HGSNAT: variants seen among roughly 807,000 people sequenced by gnomAD.
HGSNAT encodes transmembrane protein 76.
HGSNAT carries 59 observed loss-of-function variants against 85.2 expected under a neutral mutation model. The observed-to-expected ratio is 0.69, with a 90% CI of 0.56 to 0.86. The LOEUF is 0.86. Ranked by LOEUF, HGSNAT falls within the 40% of genes least tolerant of loss-of-function variation. The pLI, the probability that HGSNAT is intolerant of heterozygous loss-of-function variation, is 0.00. For missense variants in HGSNAT, 756 were observed against 777.1 expected (o/e 0.97, Z 0.32); for synonymous variants, 321 against 304.5 (o/e 1.05, Z -0.56).
intron 7 of HGSNAT, 148 bp downstream of exon 7, chr8:43,170,842 G>A: frequency 1.7e-6 from 1 of 582,880 alleles, no homozygotes; most frequent in Non-Finnish European, 3.0e-6. Flanking sequence ...AGTAAACTCT[G>A]CAGCCTCTCC....
At chr8:43,193,929 T>G in intron 14 of HGSNAT, 86 bp downstream of exon 14, 1 of 1,566,890 alleles carries the variant, frequency 6.4e-7, no homozygotes, top group Non-Finnish European at 8.7e-7. Context: ...TTAAAATAAT[T>G]GGAAGCATAT....
intron 2 of HGSNAT, among the ~76,000 whole-genome samples, chr8:43,157,026 C>T (rs1464886461): frequency 1.3e-5 from 2 of 152,012 alleles, no homozygotes; most frequent in Non-Finnish European, 2.9e-5. Context: ...GAAGAAACAA[C>T]AAGCCAGATT....
In HGSNAT at chr8:43,193,772, G is replaced by A. The variant is rs753112671; in HGVS notation, c.1393G>A (p.Glu465Lys). 2.5e-6 allele frequency: 4 copies of A among 1,613,290 alleles called. No individual in the cohort carries two copies. Among genetic ancestry groups the A allele is most frequent in the South Asian group, 1.1e-5 (1 of 91,020 alleles). Residue 465 changes from glutamate (E) to lysine (K), a missense_variant, in exon 14 of 18, where the codon GAG becomes AAG. Coordinates refer to ENST00000379644, the MANE Select transcript of HGSNAT (RefSeq NM_152419.3). ...GTTTGTTAAGGTACTTTACCACACC[G>A]AGGTGGCCTATGACCCCGAGGGCAT... ...HPSSAVLYHT[E>K]VAYDPEGILG...
At chr8:43,181,663 G>A (rs1299925879) in intron 10 of HGSNAT, 2 of 156,376 alleles carry the variant, frequency 1.3e-5, no homozygotes, top group Non-Finnish European at 2.8e-5. Context: ...CCGGTCATAC[G>A]GTTGGGTAGC....
At chr8:43,193,379 C>T (rs1389569108) in intron 13 of HGSNAT, among the ~76,000 whole-genome samples, 1 of 152,166 alleles carries the variant, frequency 6.6e-6, no homozygotes, top group Non-Finnish European at 1.5e-5. Context: ...GCTGTTGTTG[C>T]TACAGTAGGG....
intron 1 of HGSNAT, 58 bp from the exon 2 acceptor site, chr8:43,146,890 T>C (rs1431194791): frequency 1.0e-6 from 1 of 967,646 alleles, no homozygotes; most frequent in African/African-American, 1.7e-5. Context: ...ACTTTGTCTC[T>C]AACACATCTT....
Position 43,183,898 on chromosome 8 carries a change from T to C in HGSNAT, c.1128+1638T>C, listed in dbSNP as rs186884334. Among the ~76,000 whole-genome samples the C allele has an allele frequency of 4.4e-3, 667 of 152,274 alleles. 8 individuals are homozygous for C. Among genetic ancestry groups the C allele is most frequent in the African/African-American group, 0.015 (637 of 41,528 alleles). On this transcript the variant is annotated intron_variant, in intron 11 of 17. Transcript: ENST00000379644. Reference sequence around the variant, plus strand: ...AGAACATGTAGTGTTTGGTTTTCTGTCTTTGTGATAGTTTGCTGAGAATGA... The same window carrying C: ...AGAACATGTAGTGTTTGGTTTTCTGCCTTTGTGATAGTTTGCTGAGAATGA...
chr8:43,154,396 C>T (rs903087211), intron 2 of HGSNAT, among the ~76,000 whole-genome samples: 1 of 149,696 alleles, frequency 6.7e-6, no homozygotes, highest in Non-Finnish European at 1.5e-5. Flanking sequence ...TTCCTGTGTC[C>T]ATGTGTTCTC....
chr8:43,140,516 C>G lies in HGSNAT; in HGVS notation c.20C>G (p.Ala7Gly). The stretch of plus-strand genomic sequence containing the variant: ...GCGGGCATGAGCGGGGCGGGCAGGG[C>G]GCTGGCCGCGCTGCTGCTGGCCGCG... MSGAGR[A>G]LAALLLAASV... Residue 7 changes from alanine (A) to glycine (G), a missense_variant, in exon 1 of 18, where the codon GCG becomes GGG. By Grantham distance (60) the Ala-to-Gly change is moderately conservative. Transcript: ENST00000379644. The G allele has an allele frequency of 9.3e-7, 1 of 1,079,956 alleles. No homozygotes were observed. Among genetic ancestry groups the G allele is most frequent in the Non-Finnish European group, 1.1e-6 (1 of 893,196 alleles). The allele number at this position is 1,079,956 out of a possible 1,614,324, so 66.9% of individuals were successfully genotyped here. A position where few individuals can be genotyped will look rare whatever the true frequency, so the allele number is the denominator to read the frequency against.
In HGSNAT at chr8:43,169,190, A is replaced by G. The variant is rs1409263266; in HGVS notation, c.581A>G (p.Asn194Ser). Residue 194 changes from asparagine to serine, a missense_variant, in exon 6 of 18, where the codon AAT (asparagine) becomes AGT (serine). Transcript: ENST00000379644. ...ATTTTCAGTTTGGATGACTTTAACAATTGGATTTCTAAAGCCATAAGTTCT... is the reference window on the plus strand; with the variant it reads ...ATTTTCAGTTTGGATGACTTTAACAGTTGGATTTCTAAAGCCATAAGTTCT... ...RLLLSLDDFNNWISKAISSRE... is the reference protein window; with the variant it reads ...RLLLSLDDFNSWISKAISSRE... 1 of 1,573,080 alleles carries G rather than the reference A, an allele frequency of 6.4e-7. No homozygotes were observed. The highest frequency in any genetic ancestry group is 1.3e-5 in the African/African-American group (1 of 74,244).
Position 43,191,576 on chromosome 8 carries a change from C to A in HGSNAT, c.1231C>A (p.Pro411Thr), listed in dbSNP as rs1804531287. The change falls in exon 12 of 18, where the codon CCA becomes ACA. Residue 411 changes from proline (P) to threonine (T), a missense_variant. Physicochemically the swap from Pro to Thr is conservative, Grantham distance 38. Coordinates refer to ENST00000379644, the MANE Select transcript of HGSNAT (RefSeq NM_152419.3). ...GLWLGLTFLLPVPGCPTGYLG... is the reference protein window; with the variant it reads ...GLWLGLTFLLTVPGCPTGYLG... ...GTGGCTGGGCTTGACATTCCTCCTG[C>A]CAGTCCCTGGGTGCCCTACGTAAGC... The A allele has an allele frequency of 7.4e-6, 12 of 1,613,860 alleles. No individual in the cohort carries two copies. Among genetic ancestry groups the A allele is most frequent in the Non-Finnish European group, 1.0e-5 (12 of 1,179,866 alleles).
Position 43,183,709 on chromosome 8 carries a change from A to G in HGSNAT, c.1128+1449A>G, listed in dbSNP as rs557217494. ...GTGCAGGTTTGTTACATAGGTATACATGTGCCATGTTGGTATGCTGCACCC... is the reference window on the plus strand; with the variant it reads ...GTGCAGGTTTGTTACATAGGTATACGTGTGCCATGTTGGTATGCTGCACCC... On this transcript the variant is annotated intron_variant, in intron 11 of 17. Coordinates refer to ENST00000379644, the MANE Select transcript of HGSNAT (RefSeq NM_152419.3). 2.0e-5 allele frequency among the ~76,000 whole-genome samples: 3 copies of G among 152,226 alleles called. No individual in the cohort carries two copies. In the East Asian group the frequency reaches 5.8e-4, roughly 29 times the overall value.
chr8:43,145,119 A>G (rs767195390), intron 1 of HGSNAT, among the ~76,000 whole-genome samples: 5 of 152,182 alleles, frequency 3.3e-5, no homozygotes, highest in Non-Finnish European at 7.4e-5. Flanking sequence ...TGTTAGAGGA[A>G]TGGGCCTCCC....
chr8:43,171,723 G>A (rs1803630485), intron 7 of HGSNAT, among the ~76,000 whole-genome samples: 1 of 152,140 alleles, frequency 6.6e-6, no homozygotes, highest in African/African-American at 2.4e-5. Flanking sequence ...GAGATAAGAT[G>A]GTCACAGATA....
In HGSNAT at chr8:43,183,938, A is replaced by G. The variant is rs1804220225; in HGVS notation, c.1128+1678A>G. Among the ~76,000 whole-genome samples the G allele has an allele frequency of 2.0e-5, 3 of 152,142 alleles. No homozygotes were observed. In the South Asian group the frequency reaches 6.2e-4, roughly 32 times the overall value. On this transcript the variant is annotated intron_variant, in intron 11 of 17. Coordinates refer to ENST00000379644, the MANE Select transcript of HGSNAT (RefSeq NM_152419.3). ...GCTGAGAATGATGGTTTCCAGCTTC[A>G]TCCATGTCCCTACAAAGGACATGAA...
intron 14 of HGSNAT, chr8:43,194,592 G>A (rs1247055969): frequency 1.1e-6 from 1 of 917,998 alleles, no homozygotes; most frequent in Non-Finnish European, 1.3e-6. Flanking sequence ...TGTCTGGTGA[G>A]GGTCTGGGCT....
rs971002713 is a variant in HGSNAT, at chr8:43,170,487, A to C, written c.634-98A>C. 5 of 1,128,810 alleles carry C rather than the reference A, an allele frequency of 4.4e-6. No homozygotes were observed. In the African/African-American group the frequency reaches 4.6e-5, roughly 10 times the overall value. The allele number at this position is 1,128,810 out of a possible 1,614,324, so 69.9% of individuals were successfully genotyped here. A position where few individuals can be genotyped will look rare whatever the true frequency, so the allele number is the denominator to read the frequency against. On this transcript the variant is annotated intron_variant, in intron 6 of 17. Transcript: ENST00000379644. ...AGAGCGAGACTCTGTCTCAAAAAAC[A>C]AAACAAAACAAAACAAAACAAAGAA... is the stretch of plus-strand genomic sequence containing the variant.
rs928930218 is a variant in HGSNAT, at chr8:43,199,457, T to G, written c.1796T>G (p.Leu599Arg). 1 of 1,612,070 alleles carries G rather than the reference T, an allele frequency of 6.2e-7. No homozygotes were observed. Among genetic ancestry groups the G allele is most frequent in the Non-Finnish European group, 8.5e-7 (1 of 1,179,108 alleles). The change falls in exon 18 of 18, where the codon CTG becomes CGG. Residue 599 changes from leucine to arginine, a missense_variant. By Grantham distance (102) the Leu-to-Arg change is moderately radical. Transcript: ENST00000379644. ...FENYFPFQWK[L>R]KDNQSHKEHL... ...AACTACTTCCCCTTTCAGTGGAAGC[T>G]GAAGGACAACCAGTCCCACAAGGAG...
At position 43,201,746 on chromosome 8, in the gene HGSNAT, T is replaced by A. The variant is rs572136066; in HGVS notation, c.*2177T>A. The A allele has an allele frequency of 6.6e-6, 1 of 152,372 alleles. No individual in the cohort carries two copies. Among genetic ancestry groups the A allele is most frequent in the African/African-American group, 2.4e-5 (1 of 41,584 alleles). 9.4% of individuals were successfully genotyped at this position (152,372 alleles called of 1,614,324 possible). On this transcript the variant is annotated 3_prime_UTR_variant, in exon 18 of 18. Coordinates refer to ENST00000379644, the MANE Select transcript of HGSNAT (RefSeq NM_152419.3). The surrounding 1 kb of genome is among the most constrained non-coding windows in gnomAD (Gnocchi z 4.4). The stretch of plus-strand genomic sequence containing the variant: ...AGCTTCCTAAGGCAAGAATCATGCC[T>A]TGTTGGTTTCTGTATTCCTCATGGT...
Sources: gnomAD v4.1 joint callset for allele counts (sites outside exome capture counted in the v4.1 genomes callset) on GRCh38, gnomAD v4.1.1 for gene constraint, Gnocchi (gnomAD v3.1) non-coding constraint, MANE v1.5 for transcripts, NCBI Gene and HGNC (gene_info 2026-07-23, HGNC 2026-07-21) for gene names.